Variants in EHMT1 observed in about 807,000 individuals in gnomAD.
EHMT1 encodes the protein histone-lysine N-methyltransferase EHMT1.
In EHMT1, 15 loss-of-function variants were observed where a neutral mutation model predicts 147.2. The observed-to-expected ratio is 0.10, with a 90% CI of 0.07 to 0.16. The LOEUF is 0.16. EHMT1 is among the 10% of genes least tolerant of loss of function. The probability of loss-of-function intolerance (pLI) is 1.00; values close to 1 mark genes in which losing one functional copy is unlikely to be tolerated. For synonymous variants in EHMT1, 795 were observed against 709.6 expected (o/e 1.12, Z -1.91); for missense variants, 1,587 against 1,772.4 (o/e 0.90, Z 1.88).
intron 4 of EHMT1, among the ~76,000 whole-genome samples, chr9:137,736,005 C>T (rs909542439): frequency 4.6e-5 from 7 of 151,972 alleles, no homozygotes; most frequent in Admixed American, 4.6e-4. Context: ...TGGACAAAGG[C>T]AGATGCATCA....
At position 137,777,959 on chromosome 9, in the gene EHMT1, C is replaced by T. The variant is rs141689686; in HGVS notation, c.2096C>T (p.Thr699Met). Residue 699 changes from threonine (T) to methionine (M), a missense_variant, in exon 13 of 27, where the codon ACG (threonine) becomes ATG (methionine). Transcript: ENST00000460843. ...CACGTGCCCGAGGGCTTTGATCCAA[C>T]GGGACCTGCTGGGCTTGGGAGGCCA... ...ASHVPEGFDPTGPAGLGRPTP... is the reference protein window; with the variant it reads ...ASHVPEGFDPMGPAGLGRPTP... 3.8e-5 allele frequency: 62 copies of T among 1,613,786 alleles called. No individual in the cohort carries two copies. The highest frequency in any genetic ancestry group is 2.2e-4 in the East Asian group (10 of 44,888).
intron 1 of EHMT1, among the ~76,000 whole-genome samples, chr9:137,626,824 T>G (rs1210442071): frequency 6.6e-6 from 1 of 151,774 alleles, no homozygotes; most frequent in Non-Finnish European, 1.5e-5. Flanking sequence ...TTGCTCTTGT[T>G]GCCCAGGCTG....
At chr9:137,668,496 A>C (rs12551105) in intron 1 of EHMT1, among the ~76,000 whole-genome samples, 2 of 152,256 alleles carry the variant, frequency 1.3e-5, no homozygotes. Context: ...TTAATGACTT[A>C]CTATATACCA....
rs992261563 is a variant in EHMT1 at position 137,787,472 on chromosome 9, T to TGACCAG, written c.2383-3374_2383-3369dup. On this transcript the variant is annotated intron_variant, in intron 15 of 26. Transcript: ENST00000460843. This position sits in a 1 kb window ranked among gnomAD's most constrained non-coding sequence, Gnocchi z 4.2. ...GGTGTAGGGGAAACAGAGGCATGACTGACCAGGGCCAGGGCCGTGCCCAGC... is the reference window on the plus strand; with the variant it reads ...GGTGTAGGGGAAACAGAGGCATGACTGACCAGGACCAGGGCCAGGGCCGTGCCCAGC... Among the ~76,000 whole-genome samples the TGACCAG allele has an allele frequency of 5.9e-5, 9 of 152,202 alleles. No homozygotes were observed. The highest frequency in any genetic ancestry group is 1.0e-4 in the Non-Finnish European group (7 of 68,028).
chr9:137,670,070 G>T (rs1249239006), intron 1 of EHMT1, among the ~76,000 whole-genome samples: 1 of 152,146 alleles, frequency 6.6e-6, no homozygotes, highest in Admixed American at 6.5e-5. Flanking sequence ...TTGTTGGCCA[G>T]GCTGGTGTCT....
chr9:137,743,664 G>T (rs1588480345), intron 5 of EHMT1, 136 bp downstream of exon 5: 1 of 1,371,180 alleles, frequency 7.3e-7, no homozygotes, highest in South Asian at 1.2e-5. Context: ...TGCCATAGGG[G>T]CAGAGTGTTC....
chr9:137,623,224 AAAG>A (rs1843045502), intron 1 of EHMT1, among the ~76,000 whole-genome samples: 2 of 151,732 alleles, frequency 1.3e-5, no homozygotes, highest in Non-Finnish European at 2.9e-5. Context: ...AAAAAAAAAA[AAAG>A]AAAAAAAAGA....
intron 1 of EHMT1, among the ~76,000 whole-genome samples, chr9:137,655,002 T>A (rs1449063645): frequency 6.6e-6 from 1 of 151,508 alleles, no homozygotes; most frequent in Non-Finnish European, 1.5e-5. Context: ...TCCTTTCTTT[T>A]CTTTTTTTTT....
intron 14 of EHMT1, among the ~76,000 whole-genome samples, 178 bp downstream of exon 14, chr9:137,779,895 G>A (rs1158149266): frequency 6.6e-6 from 1 of 152,174 alleles, no homozygotes; most frequent in Non-Finnish European, 1.5e-5. Flanking sequence ...GCTTTTTATG[G>A]TGTTCATATC....
At position 137,716,972 on chromosome 9, in the gene EHMT1, C is replaced by T. The variant is rs139461232; in HGVS notation, c.432C>T (p.Ala144=). ...CCTTGAGGACTACCAGCACTCTGGC[C>T]TCTTCGCTGCCTGGCCATGCTGCAA... ...AQPLRTTSTL[A]SSLPGHAAKT... Residue 144 remains alanine, a synonymous_variant, in exon 3 of 27, where the codon GCC becomes GCT. Transcript: ENST00000460843. 5,046 of 1,611,144 alleles carry T rather than the reference C, an allele frequency of 3.1e-3. 15 individuals carry two copies. Among genetic ancestry groups the T allele is most frequent in the Non-Finnish European group, 3.7e-3 (4,412 of 1,178,294 alleles).
At chr9:137,779,050 G>C (rs1001240870) in intron 13 of EHMT1, among the ~76,000 whole-genome samples, 6 of 152,210 alleles carry the variant, frequency 3.9e-5, no homozygotes, top group Admixed American at 3.3e-4. Context: ...TCTGCCTCCA[G>C]GATCCAGTCA....
intron 9 of EHMT1, among the ~76,000 whole-genome samples, 165 bp from the exon 10 acceptor site, chr9:137,762,510 G>T (rs530816411): frequency 7.7e-4 from 118 of 152,308 alleles, no homozygotes; most frequent in Non-Finnish European, 1.5e-3. Context: ...TTGCCCAGGT[G>T]GTGGCCATCC....
chr9:137,789,941 G>A (rs770432677), intron 15 of EHMT1, among the ~76,000 whole-genome samples: 2 of 152,186 alleles, frequency 1.3e-5, no homozygotes, highest in Non-Finnish European at 2.9e-5. Flanking sequence ...TGTTGGCCAG[G>A]CTGGTCTCGA....
At chr9:137,692,267 C>CTTTCTTT (rs377213173) in intron 1 of EHMT1, among the ~76,000 whole-genome samples, 1 of 118,390 alleles carries the variant, frequency 8.4e-6, no homozygotes, top group African/African-American at 3.2e-5. Context: ...TTCTTTCTTT[C>CTTTCTTT]TTTTTTTTTT....
At position 137,777,941 on chromosome 9, in the gene EHMT1, C is replaced by T; in HGVS notation, c.2078C>T (p.Pro693Leu). The change falls in exon 13 of 27, where the codon CCC becomes CTC. Residue 693 changes from proline (P) to leucine (L), a missense_variant. Around this residue, in one of 7 missense-constraint regions of EHMT1, gnomAD observed 77 missense variants for 79.3 expected, o/e 0.97. Coordinates refer to ENST00000460843, the MANE Select transcript of EHMT1 (RefSeq NM_024757.5). The stretch of plus-strand genomic sequence containing the variant: ...CTGCAGGGTGCAGCCTCCCACGTGC[C>T]CGAGGGCTTTGATCCAACGGGACCT... ...DKLQGAASHV[P>L]EGFDPTGPAG... 1 of 1,613,882 alleles carries T rather than the reference C, an allele frequency of 6.2e-7. No individual in the cohort carries two copies. Among genetic ancestry groups the T allele is most frequent in the Non-Finnish European group, 8.5e-7 (1 of 1,180,022 alleles).
intron 1 of EHMT1, among the ~76,000 whole-genome samples, chr9:137,708,081 C>T (rs973893541): frequency 2.0e-5 from 3 of 152,136 alleles, no homozygotes; most frequent in African/African-American, 4.8e-5. Flanking sequence ...TAAAAGTAAA[C>T]ATGTAACATT....
In EHMT1 at chr9:137,787,708, G is replaced by A. The variant is rs370760201; in HGVS notation, c.2383-3140G>A. ...GAGCAGCCCGCCTGGGCCAGGGGCC[G>A]CCAGGTCCCCAGGGTGCCACCGAAA... On this transcript the variant is annotated intron_variant, in intron 15 of 26. Coordinates refer to ENST00000460843, the MANE Select transcript of EHMT1 (RefSeq NM_024757.5). This position sits in a 1 kb window ranked among gnomAD's most constrained non-coding sequence, Gnocchi z 4.2. 42 of 705,610 alleles carry A rather than the reference G, an allele frequency of 6.0e-5. No individual in the cohort carries two copies. The highest frequency in any genetic ancestry group is 4.5e-4 in the South Asian group (27 of 59,750). The allele number at this position is 705,610 out of a possible 1,614,324, so 43.7% of individuals were successfully genotyped here. A position where few individuals can be genotyped will look rare whatever the true frequency, so the allele number is the denominator to read the frequency against.
Position 137,782,699 on chromosome 9 carries a change from C to T in EHMT1, c.2382+302C>T, listed in dbSNP as rs756819002. On this transcript the variant is annotated intron_variant, in intron 15 of 26. Transcript: ENST00000460843. This position sits in a 1 kb window ranked among gnomAD's most constrained non-coding sequence, Gnocchi z 5.7. ...ATGACGTCCCTCTGGGGGAGCCAAGCACTCGCAGAGGCACGGACGCCCCTC... is the reference window on the plus strand; with the variant it reads ...ATGACGTCCCTCTGGGGGAGCCAAGTACTCGCAGAGGCACGGACGCCCCTC... Among the ~76,000 whole-genome samples, 6 of 152,230 alleles carry T rather than the reference C, an allele frequency of 3.9e-5. No homozygotes were observed. The highest frequency in any genetic ancestry group is 5.9e-5 in the Non-Finnish European group (4 of 68,038).
chr9:137,788,689 A>T (rs996580008), intron 15 of EHMT1: 9 of 152,260 alleles, frequency 5.9e-5, no homozygotes, highest in African/African-American at 2.2e-4. Flanking sequence ...TGCGGGCCCA[A>T]TGCCTGGGAG....
Sources: allele counts gnomAD v4.1 joint callset (sites outside exome capture counted in the v4.1 genomes callset), GRCh38; gene constraint gnomAD v4.1.1; regional missense constraint gnomAD v4.1.1; non-coding constraint Gnocchi (gnomAD v3.1); transcripts MANE v1.5; gene names NCBI Gene and HGNC (gene_info 2026-07-23, HGNC 2026-07-21).